CYB5R4: variants seen among roughly 807,000 people sequenced by gnomAD.
CYB5R4 encodes cytochrome b5 reductase 4, also known as N-terminal cytochrome b5 and cytochrome b5 oxidoreductase domain-containing protein.
CYB5R4 carries 55 observed loss-of-function variants against 70.2 expected under a neutral mutation model. The ratio of observed to expected loss-of-function variants is 0.78; its 90% CI spans 0.63 to 0.98. The LOEUF is 0.98. CYB5R4 is among the 50% of genes least tolerant of loss of function. The pLI, the probability that CYB5R4 is intolerant of heterozygous loss-of-function variation, is 0.00. For synonymous variants in CYB5R4, 197 were observed against 199.5 expected, an observed-to-expected ratio of 0.99 and a Z score of 0.11; for missense variants, 562 against 612.6, an observed-to-expected ratio of 0.92 and a Z score of 0.87.
At chr6:83,952,844 C>T (rs1000464102) in intron 14 of CYB5R4, among the ~76,000 whole-genome samples, 5 of 152,148 alleles carry the variant, frequency 3.3e-5, no homozygotes, top group African/African-American at 1.2e-4. Context: ...CTGACAGGCT[C>T]TGTGGACTAT....
chr6:83,951,396 AT>A (rs1345154444), intron 14 of CYB5R4, among the ~76,000 whole-genome samples: 1 of 152,090 alleles, frequency 6.6e-6, no homozygotes, highest in African/African-American at 2.4e-5. Context: ...TCAACCCATT[AT>A]CTACATTAGG....
intron 3 of CYB5R4, 81 bp from the exon 4 acceptor site, chr6:83,908,928 G>A: frequency 8.6e-7 from 1 of 1,161,898 alleles, no homozygotes; most frequent in Non-Finnish European, 1.3e-6. Flanking sequence ...GTTTCAGAAA[G>A]TTTAGTTTTG....
rs529494051 is a variant in CYB5R4, at chr6:83,859,924, T to C, written c.75+67T>C. 4.2e-6 allele frequency: 6 copies of C among 1,440,212 alleles called. No individual in the cohort carries two copies. The African/African-American group carries it at 7.1e-5, about 17-fold the overall frequency. 89.2% of individuals were successfully genotyped at this position (1,440,212 alleles called of 1,614,324 possible). ...CGAGCTCTGGCAGTGTGTTCTCTTC[T>C]TCCGCCCCAACTCCCAGCTCCTGCA... On this transcript the variant is annotated intron_variant, in intron 1 of 15. Coordinates refer to ENST00000369681, the MANE Select transcript of CYB5R4 (RefSeq NM_016230.4).
chr6:83,883,949 A>C (rs2099459851), intron 2 of CYB5R4, among the ~76,000 whole-genome samples: 1 of 152,054 alleles, frequency 6.6e-6, no homozygotes, highest in Non-Finnish European at 1.5e-5. Context: ...CACTTAAAAA[A>C]TAATTTAAAG....
chr6:83,870,800 G>T (rs888181658), intron 2 of CYB5R4, among the ~76,000 whole-genome samples: 1 of 151,906 alleles, frequency 6.6e-6, no homozygotes, highest in Non-Finnish European at 1.5e-5. Flanking sequence ...AGTGCTTTTA[G>T]ACATTCAAAG....
At chr6:83,885,333 A>G (rs1364999582) in intron 2 of CYB5R4, among the ~76,000 whole-genome samples, 1 of 152,194 alleles carries the variant, frequency 6.6e-6, no homozygotes, top group Non-Finnish European at 1.5e-5. Context: ...ATTACTATGA[A>G]GAATTTTTGA....
At chr6:83,954,676 T>G (rs1414518211) in intron 14 of CYB5R4, among the ~76,000 whole-genome samples, 1 of 152,130 alleles carries the variant, frequency 6.6e-6, no homozygotes, top group African/African-American at 2.4e-5. Context: ...AGTAGATTAT[T>G]AATAGAAATG....
At chr6:83,946,237 G>A (rs1321815646) in intron 14 of CYB5R4, among the ~76,000 whole-genome samples, 1 of 152,156 alleles carries the variant, frequency 6.6e-6, no homozygotes, top group Non-Finnish European at 1.5e-5. Context: ...GATCAAGTGG[G>A]CTTTATCCCT....
intron 5 of CYB5R4, among the ~76,000 whole-genome samples, chr6:83,914,919 T>G (rs2099465265): frequency 6.6e-6 from 1 of 152,022 alleles, no homozygotes; most frequent in Non-Finnish European, 1.5e-5. Context: ...TATAGGCTCC[T>G]TATTCCAGCC....
chr6:83,879,437 T>G (rs1167108502), intron 2 of CYB5R4, among the ~76,000 whole-genome samples: 1 of 152,206 alleles, frequency 6.6e-6, no homozygotes, highest in African/African-American at 2.4e-5. Context: ...TTTTACACTC[T>G]TTCCAGCAGC....
At chr6:83,946,526 C>G (rs909982605) in intron 14 of CYB5R4, among the ~76,000 whole-genome samples, 1 of 151,976 alleles carries the variant, frequency 6.6e-6, no homozygotes, top group Non-Finnish European at 1.5e-5. Context: ...AAGGATATCC[C>G]CTCTCACCAC....
chr6:83,964,102 C>T lies in CYB5R4; in HGVS notation c.*4224C>T, dbSNP rs767675544. 2 of 173,584 alleles carry T rather than the reference C, an allele frequency of 1.2e-5. No homozygotes were observed. The highest frequency in any genetic ancestry group is 2.4e-5 in the Non-Finnish European group (2 of 83,892). 10.8% of individuals were successfully genotyped at this position (173,584 alleles called of 1,614,324 possible). On this transcript the variant is annotated 3_prime_UTR_variant, in exon 16 of 16. Coordinates refer to ENST00000369681, the MANE Select transcript of CYB5R4 (RefSeq NM_016230.4). ...TCTCAGGTACGTCTTTTATCAGCAG[C>T]GTGAAAATGGACTAATACAGTAAAT...
intron 12 of CYB5R4, among the ~76,000 whole-genome samples, chr6:83,936,927 A>C (rs2099469005): frequency 6.6e-6 from 1 of 152,222 alleles, no homozygotes; most frequent in Non-Finnish European, 1.5e-5. Flanking sequence ...TGCAGTTGCC[A>C]CACCCAAGAT....
In CYB5R4 at chr6:83,922,579, C is replaced by G. The variant is rs577114155; in HGVS notation, c.691+109C>G. 3.0e-4 allele frequency: 225 copies of G among 759,568 alleles called. No individual in the cohort carries two copies. In the African/African-American group the frequency reaches 3.8e-3, roughly 13 times the overall value. 47.1% of individuals were successfully genotyped at this position (759,568 alleles called of 1,614,324 possible). On this transcript the variant is annotated intron_variant, in intron 9 of 15. Transcript: ENST00000369681. Reference sequence around the variant, plus strand: ...TTAGCATTTGTTTTATTTTTCATGTCTATATTTTCACATTGCAAAACAAAG... The same window carrying G: ...TTAGCATTTGTTTTATTTTTCATGTGTATATTTTCACATTGCAAAACAAAG...
intron 14 of CYB5R4, among the ~76,000 whole-genome samples, chr6:83,943,245 A>G (rs1382970729): frequency 6.6e-6 from 1 of 152,146 alleles, no homozygotes; most frequent in African/African-American, 2.4e-5. Context: ...GCCCTCTGGG[A>G]TGAAGCTTCC....
chr6:83,921,170 A>G lies in CYB5R4; in HGVS notation c.653A>G (p.His218Arg). The part of the protein sequence containing the change: ...TIIKDCLYLI[H>R]IGLSHEVQED... ...ATTAAGGATTGTTTATATCTTATAC[A>G]TATTGGTGAGTACTTTATTATTATT... Residue 218 changes from histidine to arginine, a missense_variant, in exon 8 of 16, where the codon CAT (histidine) becomes CGT (arginine). Transcript: ENST00000369681. The G allele has an allele frequency of 2.7e-6, 4 of 1,494,732 alleles. No homozygotes were observed. The highest frequency in any genetic ancestry group is 3.6e-6 in the Non-Finnish European group (4 of 1,104,972). 92.6% of individuals were successfully genotyped at this position (1,494,732 alleles called of 1,614,324 possible).
rs549700507 is a variant in CYB5R4 at position 83,952,394 on chromosome 6, A to G, written c.1347-2904A>G. 1.5e-3 allele frequency among the ~76,000 whole-genome samples: 233 copies of G among 152,246 alleles called. 1 individual carries two copies. The highest frequency in any genetic ancestry group is 5.4e-3 in the African/African-American group (224 of 41,552). On this transcript the variant is annotated intron_variant, in intron 14 of 15. Coordinates refer to ENST00000369681, the MANE Select transcript of CYB5R4 (RefSeq NM_016230.4). ...CATACCATAGATATCTAGTGAAAAG[A>G]ATTTTATTCCATTTTTGTGAGGGTG...
chr6:83,910,683 A>T (rs890701001), intron 4 of CYB5R4, among the ~76,000 whole-genome samples: 1 of 152,238 alleles, frequency 6.6e-6, no homozygotes, highest in Non-Finnish European at 1.5e-5. Context: ...GTGATTCCAG[A>T]TAAGAAAGGA....
At chr6:83,926,846 T>C (rs1017703472) in intron 10 of CYB5R4, among the ~76,000 whole-genome samples, 3 of 152,274 alleles carry the variant, frequency 2.0e-5, no homozygotes, top group Middle Eastern at 3.4e-3. Flanking sequence ...AATGAACTTG[T>C]ATTGAGAAAG....
Sources: gnomAD v4.1 joint callset for allele counts (sites outside exome capture counted in the v4.1 genomes callset) on GRCh38, gnomAD v4.1.1 for gene constraint, MANE v1.5 for transcripts, NCBI Gene and HGNC (gene_info 2026-07-23, HGNC 2026-07-21) for gene names.